Variants in SHB observed in about 807,000 individuals in gnomAD.
SHB encodes the protein SH2 domain-containing adapter protein B.
SHB carries 20 observed loss-of-function variants against 52.3 expected under a neutral mutation model. The ratio of observed to expected loss-of-function variants is 0.38; its 90% confidence interval spans 0.27 to 0.56. The LOEUF (loss-of-function observed/expected upper bound fraction) is 0.56. Ranked by LOEUF, SHB falls within the 20% of genes least tolerant of loss-of-function variation. SHB has a pLI of 0.71. For missense variants in SHB, 825 were observed against 723.3 expected (o/e 1.14, Z -1.61); for synonymous variants, 397 against 316.5 (o/e 1.25, Z -2.70).
intron 5 of SHB, among the ~76,000 whole-genome samples, chr9:37,921,249 G>C (rs1832176724): frequency 1.3e-5 from 2 of 152,188 alleles, no homozygotes; most frequent in African/African-American, 4.8e-5. Context: ...GCCTCCAGCA[G>C]ACTCCCCCAA....
chr9:37,980,958 G>C (rs569377504), intron 2 of SHB, among the ~76,000 whole-genome samples: 1 of 152,320 alleles, frequency 6.6e-6, no homozygotes, highest in East Asian at 1.9e-4. Flanking sequence ...GTAAACAGAG[G>C]AACTGCCATC....
chr9:38,061,311 C>CAA (rs776311036), intron 1 of SHB, among the ~76,000 whole-genome samples: 9 of 84,040 alleles, frequency 1.1e-4, no homozygotes, highest in South Asian at 3.8e-4. Context: ...GATCCTGTCT[C>CAA]AAAAAAAAAA....
rs115853594 is a variant in SHB at position 38,042,061 on chromosome 9, C to G, written c.717+25868G>C. ...ACTGGGGCAGACGGGGGAAACGTGC[C>G]GACGTCTGGCTTCGCCCAGAAGGCA... On this transcript the variant is annotated intron_variant, in intron 1 of 5. Coordinates refer to ENST00000377707, the MANE Select transcript of SHB (RefSeq NM_003028.3). 4.2e-3 allele frequency among the ~76,000 whole-genome samples: 639 copies of G among 150,400 alleles called. 2 individuals are homozygous for G. The highest frequency in any genetic ancestry group is 0.014 in the African/African-American group (596 of 41,388).
intron 2 of SHB, among the ~76,000 whole-genome samples, chr9:38,009,178 A>G (rs542915648): frequency 5.9e-5 from 9 of 152,340 alleles, no homozygotes; most frequent in African/African-American, 2.2e-4. Context: ...ATGAGAGAAC[A>G]GGAGCCCTAG....
intron 2 of SHB, among the ~76,000 whole-genome samples, chr9:37,987,431 T>C (rs1820823679): frequency 6.6e-6 from 1 of 152,108 alleles, no homozygotes; most frequent in South Asian, 2.1e-4. Flanking sequence ...TGTGCAGCTA[T>C]CTACAGTGCC....
chr9:38,046,328 G>C (rs1821651555), intron 1 of SHB, among the ~76,000 whole-genome samples: 1 of 152,252 alleles, frequency 6.6e-6, no homozygotes, highest in African/African-American at 2.4e-5. Context: ...AGAGGCAACA[G>C]AAACCGTGTT....
At chr9:38,050,201 G>A (rs1316921557) in intron 1 of SHB, among the ~76,000 whole-genome samples, 1 of 152,074 alleles carries the variant, frequency 6.6e-6, no homozygotes, top group Non-Finnish European at 1.5e-5. Flanking sequence ...TCCAACCCCA[G>A]AACCAATGCA....
chr9:38,042,284 T>G (rs1821594987), intron 1 of SHB, among the ~76,000 whole-genome samples: 2 of 152,364 alleles, frequency 1.3e-5, no homozygotes, highest in South Asian at 4.1e-4. Context: ...CACTATGTAC[T>G]AGTAGATCCA....
At chr9:37,978,944 C>G (rs1253223647) in intron 2 of SHB, among the ~76,000 whole-genome samples, 1 of 152,224 alleles carries the variant, frequency 6.6e-6, no homozygotes, top group African/African-American at 2.4e-5. Context: ...ATTTAGGAAG[C>G]AGCTGCCTTT....
At chr9:37,964,920 C>T (rs1346880393) in intron 3 of SHB, among the ~76,000 whole-genome samples, 2 of 152,182 alleles carry the variant, frequency 1.3e-5, no homozygotes, top group Non-Finnish European at 2.9e-5. Flanking sequence ...TCCTGAGTTC[C>T]GGGCCAGGCC....
At chr9:38,029,945 G>T (rs546467619) in intron 1 of SHB, among the ~76,000 whole-genome samples, 3 of 152,210 alleles carry the variant, frequency 2.0e-5, no homozygotes, top group Non-Finnish European at 2.9e-5. Context: ...GTGTACACAA[G>T]CAAGTATGCC....
intron 3 of SHB, among the ~76,000 whole-genome samples, chr9:37,966,233 A>G (rs1258149907): frequency 6.6e-6 from 1 of 152,228 alleles, no homozygotes; most frequent in Non-Finnish European, 1.5e-5. Context: ...GGGAACTTAA[A>G]AATCTCCACA....
chr9:38,015,307 C>T, intron 2 of SHB: 2 of 650,100 alleles, frequency 3.1e-6, no homozygotes, highest in Non-Finnish European at 5.6e-6. Context: ...GCTAACCCTT[C>T]ACTTCTTAAA....
intron 1 of SHB, among the ~76,000 whole-genome samples, chr9:38,066,648 G>A (rs1354107532): frequency 6.6e-6 from 1 of 152,170 alleles, no homozygotes; most frequent in African/African-American, 2.4e-5. Flanking sequence ...GATCTTCCAC[G>A]GACTGCCCAT....
intron 3 of SHB, among the ~76,000 whole-genome samples, chr9:37,967,857 C>T (rs764918227): frequency 6.6e-6 from 1 of 152,180 alleles, no homozygotes; most frequent in Non-Finnish European, 1.5e-5. Flanking sequence ...ATAGGGAAGG[C>T]GCGGATCGGA....
intron 1 of SHB, among the ~76,000 whole-genome samples, chr9:38,020,823 G>A (rs941491645): frequency 3.3e-5 from 5 of 152,196 alleles, no homozygotes; most frequent in Admixed American, 6.5e-5. Context: ...GACGGGGTGG[G>A]GGGGTGGCCC....
At chr9:37,940,786 G>T (rs751792321) in intron 5 of SHB, among the ~76,000 whole-genome samples, 13 of 152,162 alleles carry the variant, frequency 8.5e-5, no homozygotes, top group Non-Finnish European at 1.5e-4. Context: ...TCTGCTTAGG[G>T]TATTCCTGGA....
At chr9:38,031,531 GT>G (rs1179057525) in intron 1 of SHB, among the ~76,000 whole-genome samples, 1 of 152,134 alleles carries the variant, frequency 6.6e-6, no homozygotes, top group East Asian at 1.9e-4. Context: ...GAGTGTTTCA[GT>G]CCTTTTAGTA....
At chr9:37,971,667 G>A (rs755476310) in intron 3 of SHB, among the ~76,000 whole-genome samples, 8 of 150,342 alleles carry the variant, frequency 5.3e-5, no homozygotes, top group Non-Finnish European at 1.2e-4. Flanking sequence ...GTGATTCTCT[G>A]TCTATCTTCT....
Sources: gnomAD v4.1 joint callset for allele counts (sites outside exome capture counted in the v4.1 genomes callset) on GRCh38, gnomAD v4.1.1 for gene constraint, MANE v1.5 for transcripts, NCBI Gene and HGNC (gene_info 2026-07-23, HGNC 2026-07-21) for gene names.